ATXN3: variants seen among roughly 807,000 people sequenced by gnomAD.
The protein encoded by ATXN3 is ataxin-3.
A neutral mutation model predicts 58.2 loss-of-function variants in ATXN3; 28 were observed. The observed-to-expected ratio is 0.48, with a 90% confidence interval of 0.36 to 0.66. The LOEUF is 0.66. Among genes scored for constraint, ATXN3 ranks in the 30% least tolerant of loss-of-function variants. The pLI is 0.00. For synonymous variants in ATXN3, 113 were observed against 138.5 expected, an observed-to-expected ratio of 0.82 and a Z score of 1.29; for missense variants, 321 against 422.1, an observed-to-expected ratio of 0.76 and a Z score of 2.10.
chr14:92,049,527 G>C (rs972385075), intron 1 of ATXN3: 7 of 153,446 alleles, frequency 4.6e-5, no homozygotes, highest in African/African-American at 1.7e-4. Flanking sequence ...ACTGGAATTG[G>C]AAGGACAGGG....
intron 10 of ATXN3, among the ~76,000 whole-genome samples, chr14:92,065,646 C>G (rs572191382): frequency 1.2e-3 from 178 of 152,268 alleles, no homozygotes; most frequent in African/African-American, 4.2e-3. Context: ...TTTTGGGAAG[C>G]CGAGGTGGGC....
chr14:92,078,186 G>T (rs1002354944), intron 9 of ATXN3, among the ~76,000 whole-genome samples: 5 of 151,900 alleles, frequency 3.3e-5, no homozygotes, highest in Admixed American at 2.6e-4. Context: ...TGTTGGCCAG[G>T]CTGGTCTTGT....
At chr14:92,092,424 A>T (rs1015334315) in intron 5 of ATXN3, among the ~76,000 whole-genome samples, 6 of 152,192 alleles carry the variant, frequency 3.9e-5, no homozygotes, top group Admixed American at 2.6e-4. Context: ...TTCATGTTTT[A>T]TTTAAAAAAT....
At chr14:92,097,150 C>T (rs1266274726) in intron 1 of ATXN3, among the ~76,000 whole-genome samples, 2 of 152,052 alleles carry the variant, frequency 1.3e-5, no homozygotes, top group Non-Finnish European at 2.9e-5. Context: ...ACCTCGTGAT[C>T]CGCCCGCCTT....
At position 92,061,540 on chromosome 14, in the gene ATXN3, A is replaced by C. The variant is rs1411789964; in HGVS notation, c.*2780T>G. 3 of 152,238 alleles carry C rather than the reference A, an allele frequency of 2.0e-5. No individual in the cohort carries two copies. The highest frequency in any genetic ancestry group is 7.2e-5 in the African/African-American group (3 of 41,474). The allele number at this position is 152,238 out of a possible 1,614,324, so 9.4% of individuals were successfully genotyped here. A position where few individuals can be genotyped will look rare whatever the true frequency, so the allele number is the denominator to read the frequency against. ...ACCACTGTACATACTTGATCCCAGT[A>C]ATACAAATTATACATTAGAAAAATG... On this transcript the variant is annotated 3_prime_UTR_variant, in exon 11 of 11. Transcript: ENST00000644486.
intron 6 of ATXN3, 119 bp downstream of exon 6, chr14:92,088,611 A>G: frequency 1.3e-6 from 1 of 761,214 alleles, no homozygotes; most frequent in Non-Finnish European, 2.2e-6. Flanking sequence ...CCACGTCAAA[A>G]CTAAAGATTG....
intron 9 of ATXN3, among the ~76,000 whole-genome samples, chr14:92,077,819 G>T (rs1199179764): frequency 1.3e-5 from 2 of 150,636 alleles, no homozygotes; most frequent in African/African-American, 2.5e-5. Flanking sequence ...TAATTTTTTT[G>T]TATTTTTAGT....
Position 92,083,406 on chromosome 14 carries a change from C to T in ATXN3, c.476-148G>A, listed in dbSNP as rs1448340118. On this transcript the variant is annotated intron_variant, in intron 6 of 10. Transcript: ENST00000644486. ...AAAGACTTTAGTCCAAATAATGATT[C>T]TTATACTTACTAGTAAAGTCGTCTA... 3.7e-6 allele frequency: 3 copies of T among 819,064 alleles called. No homozygotes were observed. In the Admixed American group the frequency reaches 7.5e-5, roughly 21 times the overall value. 50.7% of individuals were successfully genotyped at this position (819,064 alleles called of 1,614,324 possible).
chr14:92,084,340 A>G (rs2061987893), intron 6 of ATXN3, among the ~76,000 whole-genome samples: 1 of 152,148 alleles, frequency 6.6e-6, no homozygotes. Context: ...ACCCTGACCC[A>G]CACATGTACA....
chr14:92,047,585 C>A (rs956472805), intron 2 of ATXN3, among the ~76,000 whole-genome samples: 3 of 151,844 alleles, frequency 2.0e-5, no homozygotes, highest in African/African-American at 7.3e-5. Flanking sequence ...GAGGAAGAGG[C>A]GAAGGAGGCT....
intron 7 of ATXN3, 24 bp from the exon 8 acceptor site, chr14:92,082,490 T>C: frequency 6.3e-7 from 1 of 1,586,302 alleles, no homozygotes; most frequent in Non-Finnish European, 8.6e-7. Flanking sequence ...GCACTGGTAA[T>C]AACTGCAACC....
At chr14:92,073,262 C>T (rs2059762022) in intron 9 of ATXN3, among the ~76,000 whole-genome samples, 1 of 152,250 alleles carries the variant, frequency 6.6e-6, no homozygotes, top group Admixed American at 6.5e-5. Context: ...GCTGTGAAGA[C>T]ACTGAGGTGG....
At chr14:92,066,746 T>G (rs1461305792) in intron 10 of ATXN3, among the ~76,000 whole-genome samples, 2 of 151,170 alleles carry the variant, frequency 1.3e-5, no homozygotes, top group Non-Finnish European at 2.9e-5. Context: ...TAGCTGGGAC[T>G]ATAGGCGCCC....
chr14:92,106,337 G>A (rs1424042753), intron 1 of ATXN3, among the ~76,000 whole-genome samples, 192 bp downstream of exon 1: 2 of 151,882 alleles, frequency 1.3e-5, no homozygotes, highest in Non-Finnish European at 2.9e-5. Flanking sequence ...GGGGGCCGCG[G>A]GGGAAGTAGG....
At chr14:92,079,912 A>C (rs2061148071) in intron 9 of ATXN3, among the ~76,000 whole-genome samples, 1 of 151,966 alleles carries the variant, frequency 6.6e-6, no homozygotes, top group South Asian at 2.1e-4. Flanking sequence ...TAATTTTTGT[A>C]TTTTTAGTAG....
intron 9 of ATXN3, among the ~76,000 whole-genome samples, chr14:92,080,311 C>T (rs1407210900): frequency 6.6e-6 from 1 of 152,082 alleles, no homozygotes; most frequent in East Asian, 1.9e-4. Context: ...AGCTGTTTTT[C>T]GTACTGATTG....
chr14:92,067,827 C>G (rs1436853995), intron 10 of ATXN3, among the ~76,000 whole-genome samples: 1 of 152,224 alleles, frequency 6.6e-6, no homozygotes. Flanking sequence ...AGTGCCACCT[C>G]GCTACAACCA....
At position 92,096,201 on chromosome 14, in the gene ATXN3, A is replaced by G. The variant is rs373920734; in HGVS notation, c.190-64T>C. On this transcript the variant is annotated intron_variant, in intron 2 of 10. Coordinates refer to ENST00000644486, the MANE Select transcript of ATXN3 (RefSeq NM_004993.6). ...TGGGGAAAGAAGGATACAAACTGTC[A>G]TTAGCGTGCATATTTAAAACAATAT... 9.3e-6 allele frequency: 15 copies of G among 1,612,286 alleles called. No individual in the cohort carries two copies. The African/African-American group carries it at 1.9e-4, about 20-fold the overall frequency.
In ATXN3 at chr14:92,086,941, G is replaced by T. The variant is rs566099896; in HGVS notation, c.475+1789C>A. On this transcript the variant is annotated intron_variant, in intron 6 of 10. Transcript: ENST00000644486. ...GGGACTGGTTTTGGTTAGAGGTAGG[G>T]GACCATTCATCTATTTAAATAGGCT... Among the ~76,000 whole-genome samples, 9 of 152,096 alleles carry T rather than the reference G, an allele frequency of 5.9e-5. No individual in the cohort carries two copies. The South Asian group carries it at 1.7e-3, about 28-fold the overall frequency.
Sources: allele counts gnomAD v4.1 joint callset (sites outside exome capture counted in the v4.1 genomes callset), GRCh38; gene constraint gnomAD v4.1.1; transcripts MANE v1.5; gene names NCBI Gene and HGNC (gene_info 2026-07-23, HGNC 2026-07-21).